VIP: variants seen among roughly 807,000 people sequenced by gnomAD.
VIP encodes the protein VIP peptides.
In VIP, 18 loss-of-function variants were observed where a neutral mutation model predicts 20.1. That is an observed-to-expected ratio of 0.90 (90% CI 0.62 to 1.33). The LOEUF is 1.33. VIP is among the 40% of genes most tolerant of loss of function. VIP has a pLI of 0.00. For synonymous variants in VIP, 70 were observed against 68.1 expected (o/e 1.03, Z -0.14); for missense variants, 209 against 199.4 (o/e 1.05, Z -0.29).
At chr6:152,752,325 TC>T in intron 2 of VIP, 41 bp downstream of exon 2, 1 of 1,501,676 alleles carries the variant, frequency 6.7e-7, no homozygotes, top group Non-Finnish European at 9.2e-7. Flanking sequence ...CATTCCTTCC[TC>T]ATCTAAATGG....
intron 6 of VIP, among the ~76,000 whole-genome samples, 160 bp from the exon 7 acceptor site, chr6:152,758,750 G>T (rs565311536): frequency 7.2e-5 from 11 of 152,146 alleles, no homozygotes; most frequent in African/African-American, 2.6e-4. Flanking sequence ...TCTAGAAGCT[G>T]CTCTCTTGGT....
chr6:152,755,952 G>A (rs1340580441), intron 4 of VIP, among the ~76,000 whole-genome samples, 182 bp from the exon 5 acceptor site: 1 of 151,836 alleles, frequency 6.6e-6, no homozygotes, highest in African/African-American at 2.4e-5. Context: ...CCAAAATATG[G>A]CAGATGATTC....
chr6:152,751,241 G>A (rs2099729579), intron 1 of VIP, among the ~76,000 whole-genome samples: 1 of 151,970 alleles, frequency 6.6e-6, no homozygotes, highest in Admixed American at 6.6e-5. Flanking sequence ...AAGTTTACTT[G>A]TATGTAGATT....
chr6:152,752,022 C>G, intron 1 of VIP, 146 bp from the exon 2 acceptor site: 1 of 568,906 alleles, frequency 1.8e-6, no homozygotes, highest in South Asian at 2.6e-5. Context: ...TTGAATGTAT[C>G]ATCTTGCAAT....
In VIP at chr6:152,755,315, C is replaced by A. The variant is rs571788287; in HGVS notation, c.277C>A (p.Leu93Ile). The A allele has an allele frequency of 6.3e-7, 1 of 1,596,054 alleles. No homozygotes were observed. Among genetic ancestry groups the A allele is most frequent in the Admixed American group, 1.7e-5 (1 of 58,260 alleles). Reference protein sequence around the residue: ...DGVFTSDFSKLLGQLSAKKYL... With the variant: ...DGVFTSDFSKILGQLSAKKYL... The stretch of plus-strand genomic sequence containing the variant: ...AGTTTTCACCAGTGACTTCAGTAAA[C>A]TCTTGGGTCAACTTTCTGCCAAAAA... Residue 93 changes from leucine (L) to isoleucine (I), a missense_variant, in exon 4 of 7, where the codon CTC becomes ATC. By Grantham distance (5) the Leu-to-Ile change is conservative. Transcript: ENST00000367244.
chr6:152,754,026 A>G (rs1308644011), intron 2 of VIP, 140 bp from the exon 3 acceptor site: 1 of 905,164 alleles, frequency 1.1e-6, no homozygotes. Flanking sequence ...TGAGCCATTA[A>G]GTCAAATTAT....
In VIP at chr6:152,750,948, C is replaced by G. The variant is rs191232327; in HGVS notation, c.-22C>G. 4 of 152,148 alleles carry G rather than the reference C, an allele frequency of 2.6e-5. No individual in the cohort carries two copies. Among genetic ancestry groups the G allele is most frequent in the Non-Finnish European group, 4.4e-5 (3 of 68,034 alleles). 9.4% of individuals were successfully genotyped at this position (152,148 alleles called of 1,614,324 possible). A position where few individuals can be genotyped will look rare whatever the true frequency, so the allele number is the denominator to read the frequency against. ...CAGAACAGTCAGCTCCGGGGGAGCA[C>G]GACTGGGCGAGGTAAGTGAAAACTT... On this transcript the variant is annotated 5_prime_UTR_variant, in exon 1 of 7. Transcript: ENST00000367244.
Position 152,757,089 on chromosome 6 carries a change from T to C in VIP, c.468-7T>C. The C allele has an allele frequency of 1.2e-6, 2 of 1,611,660 alleles. No homozygotes were observed. The highest frequency in any genetic ancestry group is 1.1e-5 in the South Asian group (1 of 90,936). ...CTTAATATGTACAATGTTTTTCTGG[T>C]CTGCAGCAGTGAGGGAGAATCTCCC... On this transcript the variant is annotated splice_region_variant and splice_polypyrimidine_tract_variant and intron_variant, in intron 5 of 6. Transcript: ENST00000367244.
At chr6:152,751,699 C>T (rs1342451744) in intron 1 of VIP, among the ~76,000 whole-genome samples, 1 of 151,968 alleles carries the variant, frequency 6.6e-6, no homozygotes, top group Non-Finnish European at 1.5e-5. Flanking sequence ...TATATATACA[C>T]ATTATATTTA....
At chr6:152,755,478 C>T (rs1341300180) in intron 4 of VIP, 105 bp downstream of exon 4, 4 of 675,890 alleles carry the variant, frequency 5.9e-6, no homozygotes, top group South Asian at 3.8e-5. Context: ...ATTGAAAACT[C>T]GTTGATAATG....
At chr6:152,754,337 G>A (rs2099730087) in intron 3 of VIP, 49 bp downstream of exon 3, 1 of 1,541,538 alleles carries the variant, frequency 6.5e-7, no homozygotes, top group Middle Eastern at 1.9e-4. Flanking sequence ...TTTAGAAAAT[G>A]TGTTTAAGAA....
Position 152,755,334 on chromosome 6 carries a change from C to A in VIP, c.296C>A (p.Ala99Asp). Residue 99 changes from alanine to aspartate, a missense_variant, in exon 4 of 7, where the codon GCC becomes GAC. Ala to Asp is a moderately radical substitution (Grantham distance 126). Coordinates refer to ENST00000367244, the MANE Select transcript of VIP (RefSeq NM_003381.4). ...AGTAAACTCTTGGGTCAACTTTCTG[C>A]CAAAAAGTACCTTGAGTCTCTTATG... is the stretch of plus-strand genomic sequence containing the variant. ...DFSKLLGQLS[A>D]KKYLESLMGK... is the part of the protein sequence containing the mutation. 1 of 1,592,820 alleles carries A rather than the reference C, an allele frequency of 6.3e-7. No individual in the cohort carries two copies. Among genetic ancestry groups the A allele is most frequent in the East Asian group, 2.3e-5 (1 of 43,858 alleles).
At chr6:152,753,168 C>T (rs559694924) in intron 2 of VIP, among the ~76,000 whole-genome samples, 3 of 152,158 alleles carry the variant, frequency 2.0e-5, no homozygotes, top group African/African-American at 4.8e-5. Context: ...ACAGCTCCTG[C>T]GTTGCTTTGA....
At position 152,756,279 on chromosome 6, in the gene VIP, G is replaced by T; in HGVS notation, c.467+14G>T. 6.2e-7 allele frequency: 1 copy of T among 1,600,836 alleles called. No homozygotes were observed. The highest frequency in any genetic ancestry group is 8.5e-7 in the Non-Finnish European group (1 of 1,174,724). Reference sequence around the variant, plus strand: ...TGGAAAGAGGAGGTAAAGAAAAAGAGAACTTGCTAAAATGAGGAATCATGA... The same window carrying T: ...TGGAAAGAGGAGGTAAAGAAAAAGATAACTTGCTAAAATGAGGAATCATGA... On this transcript the variant is annotated intron_variant, in intron 5 of 6. Transcript: ENST00000367244.
intron 1 of VIP, 29 bp from the exon 2 acceptor site, chr6:152,752,139 G>C (rs377719965): frequency 1.0e-5 from 16 of 1,554,500 alleles, no homozygotes; most frequent in African/African-American, 1.4e-5. Flanking sequence ...TCTTTGGCTG[G>C]AAGAACTGAG....
At chr6:152,757,672 A>G (rs1333517148) in intron 6 of VIP, among the ~76,000 whole-genome samples, 1 of 151,960 alleles carries the variant, frequency 6.6e-6, no homozygotes, top group African/African-American at 2.4e-5. Flanking sequence ...GTCTAACTAT[A>G]TTCCTTGAAA....
At chr6:152,756,822 G>C (rs543704307) in intron 5 of VIP, among the ~76,000 whole-genome samples, 1 of 151,664 alleles carries the variant, frequency 6.6e-6, no homozygotes, top group Non-Finnish European at 1.5e-5. Context: ...AATTGTTTTT[G>C]TTTAAGTGAT....
At chr6:152,754,311 A>G (rs372008123) in intron 3 of VIP, 23 bp downstream of exon 3, 75 of 1,579,928 alleles carry the variant, frequency 4.7e-5, no homozygotes, top group Middle Eastern at 1.7e-4. Context: ...TTATAAAACT[A>G]TCCAATGAGT....
At chr6:152,756,469 G>A (rs1405938287) in intron 5 of VIP, among the ~76,000 whole-genome samples, 1 of 151,770 alleles carries the variant, frequency 6.6e-6, no homozygotes, top group Non-Finnish European at 1.5e-5. Flanking sequence ...CCAGGAAATC[G>A]GTGTCTTCGG....
Sources: allele counts gnomAD v4.1 joint callset (sites outside exome capture counted in the v4.1 genomes callset), GRCh38; gene constraint gnomAD v4.1.1; transcripts MANE v1.5; gene names NCBI Gene and HGNC (gene_info 2026-07-23, HGNC 2026-07-21).